Variants in LRRIQ3 observed in about 807,000 individuals in gnomAD.
LRRIQ3 encodes the protein leucine-rich repeat and IQ domain-containing protein 3.
In LRRIQ3, 75 loss-of-function variants were observed where a neutral mutation model predicts 59.3. That is an observed-to-expected ratio of 1.26 (90% CI 1.05 to 1.53). The LOEUF (loss-of-function observed/expected upper bound fraction) is 1.53, where lower values mean the gene tolerates loss of function less well. Among genes scored for constraint, LRRIQ3 ranks in the 40% most tolerant of loss-of-function variants. LRRIQ3 has a pLI of 0.00. For synonymous variants in LRRIQ3, 250 were observed against 231.3 expected (o/e 1.08, Z -0.73); for missense variants, 831 against 710.0 (o/e 1.17, Z -1.94).
chr1:74,049,683 T>C (rs1246655942), intron 6 of LRRIQ3, among the ~76,000 whole-genome samples: 2 of 152,180 alleles, frequency 1.3e-5, no homozygotes, highest in African/African-American at 4.8e-5. Context: ...TATGTATTAC[T>C]GTTTTGCAGT....
rs1654955684 is a variant in LRRIQ3, at chr1:74,069,336, C to T, written c.997+5325G>A. On this transcript the variant is annotated intron_variant, in intron 6 of 7. Transcript: ENST00000354431. Reference sequence around the variant, plus strand: ...AGGTTTCAATTTCAGTCTTGTATGCCACATCTTTTCAGTATAAATCAAGAA... The same window carrying T: ...AGGTTTCAATTTCAGTCTTGTATGCTACATCTTTTCAGTATAAATCAAGAA... Among the ~76,000 whole-genome samples, 3 of 151,814 alleles carry T rather than the reference C, an allele frequency of 2.0e-5. No individual in the cohort carries two copies. In the South Asian group the frequency reaches 6.2e-4, roughly 32 times the overall value.
At chr1:74,094,774 T>C (rs1456254084) in intron 5 of LRRIQ3, among the ~76,000 whole-genome samples, 1 of 152,114 alleles carries the variant, frequency 6.6e-6, no homozygotes, top group Non-Finnish European at 1.5e-5. Flanking sequence ...CATCACTTAC[T>C]GCCACAACCA....
At chr1:74,062,091 G>C (rs1286882602) in intron 6 of LRRIQ3, among the ~76,000 whole-genome samples, 2 of 152,044 alleles carry the variant, frequency 1.3e-5, no homozygotes, top group African/African-American at 4.8e-5. Flanking sequence ...TCTTCTGCAA[G>C]GCAAAATAAA....
chr1:74,157,372 A>G (rs1648401035), intron 3 of LRRIQ3, among the ~76,000 whole-genome samples: 1 of 152,072 alleles, frequency 6.6e-6, no homozygotes, highest in Non-Finnish European at 1.5e-5. Context: ...TTGGCACTCT[A>G]TTATGAGTCT....
chr1:74,029,684 C>G (rs184578719), intron 7 of LRRIQ3, among the ~76,000 whole-genome samples: 27 of 152,044 alleles, frequency 1.8e-4, no homozygotes, highest in Admixed American at 1.6e-3. Flanking sequence ...CTCTGCTAGG[C>G]TTTGGCATCA....
At chr1:74,159,150 A>G (rs770227799) in intron 3 of LRRIQ3, among the ~76,000 whole-genome samples, 1 of 152,230 alleles carries the variant, frequency 6.6e-6, no homozygotes, top group South Asian at 2.1e-4. Flanking sequence ...ACTTTTGCAG[A>G]TCTTATGGTC....
intron 1 of LRRIQ3, among the ~76,000 whole-genome samples, chr1:74,190,300 TAGAG>T (rs1650675269): frequency 6.6e-6 from 1 of 151,740 alleles, no homozygotes; most frequent in South Asian, 2.1e-4. Context: ...ATAATGTAGG[TAGAG>T]AGATAGATAT....
At chr1:74,178,397 CA>C (rs1205000270) in intron 3 of LRRIQ3, among the ~76,000 whole-genome samples, 1 of 151,680 alleles carries the variant, frequency 6.6e-6, no homozygotes, top group Non-Finnish European at 1.5e-5. Flanking sequence ...TTTTTGAAAG[CA>C]AAAACACGTT....
intron 6 of LRRIQ3, among the ~76,000 whole-genome samples, chr1:74,072,719 T>C (rs1237205717): frequency 6.6e-6 from 1 of 152,062 alleles, no homozygotes; most frequent in African/African-American, 2.4e-5. Context: ...TAGGTACCTA[T>C]TAGCAGACTG....
intron 5 of LRRIQ3, among the ~76,000 whole-genome samples, chr1:74,090,089 T>G (rs887964503): frequency 6.6e-6 from 1 of 152,044 alleles, no homozygotes; most frequent in African/African-American, 2.4e-5. Context: ...TTTTACTATG[T>G]TTTTACTGTT....
chr1:74,082,765 T>G (rs1230151465), intron 5 of LRRIQ3: 2 of 151,548 alleles, frequency 1.3e-5, no homozygotes, highest in African/African-American at 4.8e-5. Flanking sequence ...TATATATAAT[T>G]ATATCTCTAA....
At chr1:74,184,214 T>C (rs745472652) in intron 1 of LRRIQ3, among the ~76,000 whole-genome samples, 1 of 152,106 alleles carries the variant, frequency 6.6e-6, no homozygotes, top group Non-Finnish European at 1.5e-5. Context: ...CAGAGAAAAT[T>C]TGTTGTCAAA....
At chr1:74,181,742 A>G (rs1649989222) in intron 3 of LRRIQ3, 1 of 151,854 alleles carries the variant, frequency 6.6e-6, no homozygotes, top group South Asian at 2.1e-4. Flanking sequence ...AAAAAATTAT[A>G]TGCAGTAATA....
chr1:74,112,815 TAAAC>T (rs1228392773), intron 4 of LRRIQ3, among the ~76,000 whole-genome samples: 2 of 152,018 alleles, frequency 1.3e-5, no homozygotes, highest in Non-Finnish European at 2.9e-5. Context: ...ATTAAACAAA[TAAAC>T]AAATCACAAC....
intron 1 of LRRIQ3, among the ~76,000 whole-genome samples, chr1:74,184,675 C>T (rs1179656614): frequency 6.6e-6 from 1 of 152,056 alleles, no homozygotes; most frequent in Non-Finnish European, 1.5e-5. Context: ...TTCATGGGCC[C>T]CATCTCATAT....
intron 1 of LRRIQ3, among the ~76,000 whole-genome samples, chr1:74,186,287 A>G (rs1298952205): frequency 6.6e-6 from 1 of 151,930 alleles, no homozygotes; most frequent in African/African-American, 2.4e-5. Flanking sequence ...TTTATTTTAA[A>G]CCTTCTGCAT....
chr1:74,180,817 A>T (rs1474349795), intron 3 of LRRIQ3: 1 of 1,547,510 alleles, frequency 6.5e-7, no homozygotes, highest in East Asian at 2.4e-5. Context: ...GGAAACAATG[A>T]GGAATAAATA....
chr1:74,179,092 C>T (rs766840326), intron 3 of LRRIQ3, among the ~76,000 whole-genome samples: 8 of 152,130 alleles, frequency 5.3e-5, no homozygotes, highest in South Asian at 2.1e-4. Context: ...GTAAACAAAA[C>T]GCAATACTGG....
At chr1:74,191,060 A>G (rs1294528443) in intron 1 of LRRIQ3, among the ~76,000 whole-genome samples, 1 of 152,104 alleles carries the variant, frequency 6.6e-6, no homozygotes, top group Non-Finnish European at 1.5e-5. Flanking sequence ...TAAATTACCC[A>G]GTGTTGAGTG....
Sources: gnomAD v4.1 joint callset for allele counts (sites outside exome capture counted in the v4.1 genomes callset) on GRCh38, gnomAD v4.1.1 for gene constraint, MANE v1.5 for transcripts, NCBI Gene and HGNC (gene_info 2026-07-23, HGNC 2026-07-21) for gene names.